RAI14: variants seen among roughly 807,000 people sequenced by gnomAD.
RAI14 encodes retinoic acid induced 14.
RAI14 carries 45 observed loss-of-function variants against 115.4 expected under a neutral mutation model. The ratio of observed to expected loss-of-function variants is 0.39; its 90% CI spans 0.31 to 0.50. The LOEUF (loss-of-function observed/expected upper bound fraction) is 0.50, where lower values mean the gene tolerates loss of function less well. Among genes scored for constraint, RAI14 ranks in the 20% least tolerant of loss-of-function variants. The pLI, the probability that RAI14 is intolerant of heterozygous loss-of-function variation, is 0.85. For missense variants in RAI14, 939 were observed against 1,131.2 expected (o/e 0.83, Z 2.44); for synonymous variants, 371 against 415.4 (o/e 0.89, Z 1.30).
intron 2 of RAI14, among the ~76,000 whole-genome samples, chr5:34,749,632 T>C (rs1346993006): frequency 6.6e-6 from 1 of 152,222 alleles, no homozygotes; most frequent in Admixed American, 6.5e-5. Context: ...CAGTGTCATT[T>C]GGAAATGATT....
At chr5:34,762,054 C>T (rs1748722803) in intron 3 of RAI14, among the ~76,000 whole-genome samples, 1 of 152,196 alleles carries the variant, frequency 6.6e-6, no homozygotes, top group Admixed American at 6.5e-5. Flanking sequence ...AGGGATGGTA[C>T]AATCTTATTG....
chr5:34,759,983 C>A (rs942584521), intron 3 of RAI14, among the ~76,000 whole-genome samples: 3 of 152,156 alleles, frequency 2.0e-5, no homozygotes, highest in African/African-American at 7.2e-5. Context: ...GCAGCTTCTG[C>A]GTTCGAATCA....
intron 2 of RAI14, among the ~76,000 whole-genome samples, chr5:34,726,331 T>C (rs1580046313): frequency 6.6e-6 from 1 of 152,308 alleles, no homozygotes; most frequent in East Asian, 1.9e-4. Context: ...TGGGGAGGCC[T>C]CATGAAACTT....
At chr5:34,757,218 G>A in intron 2 of RAI14, 5 of 536,950 alleles carry the variant, frequency 9.3e-6, no homozygotes, top group South Asian at 7.7e-5. Flanking sequence ...TTAGTTAAAA[G>A]AAGTAAATTT....
chr5:34,732,439 ATTTTTT>A (rs369302342), intron 2 of RAI14, among the ~76,000 whole-genome samples: 1 of 133,894 alleles, frequency 7.5e-6, no homozygotes. Context: ...ACCATGCTTG[ATTTTTT>A]TTTTTTTTTT....
chr5:34,825,480 T>A (rs1195174491), intron 15 of RAI14, among the ~76,000 whole-genome samples: 5 of 152,196 alleles, frequency 3.3e-5, no homozygotes, highest in African/African-American at 1.2e-4. Context: ...CTCCATAATA[T>A]GAAACTAAAA....
At chr5:34,702,330 A>G (rs544843029) in intron 2 of RAI14, among the ~76,000 whole-genome samples, 1 of 152,320 alleles carries the variant, frequency 6.6e-6, no homozygotes, top group East Asian at 1.9e-4. Context: ...AAAAATATGA[A>G]AAATTAGGCT....
chr5:34,794,538 C>T (rs1320154989), intron 3 of RAI14, among the ~76,000 whole-genome samples: 1 of 152,160 alleles, frequency 6.6e-6, no homozygotes, highest in Non-Finnish European at 1.5e-5. Flanking sequence ...AGATATTACA[C>T]ATAGATTGCT....
At chr5:34,666,199 G>A (rs954121734) in intron 1 of RAI14, among the ~76,000 whole-genome samples, 2 of 151,938 alleles carry the variant, frequency 1.3e-5, no homozygotes, top group Admixed American at 1.3e-4. Flanking sequence ...TAGTCTCACA[G>A]GAGATGTCCT....
chr5:34,812,284 C>G, intron 10 of RAI14, 76 bp downstream of exon 10: 3 of 1,252,066 alleles, frequency 2.4e-6, no homozygotes, highest in Non-Finnish European at 3.4e-6. Flanking sequence ...TTTAACCACT[C>G]TGGTCCACTA....
intron 5 of RAI14, among the ~76,000 whole-genome samples, chr5:34,805,435 G>A (rs1754761135): frequency 6.6e-6 from 1 of 152,154 alleles, no homozygotes; most frequent in African/African-American, 2.4e-5. Context: ...CCAGGCTTTT[G>A]CTCTTATTGC....
At chr5:34,705,519 T>C (rs55866175) in intron 2 of RAI14, among the ~76,000 whole-genome samples, 8,106 of 152,262 alleles carry the variant, frequency 0.053, 721 homozygotes, top group African/African-American at 0.18. Flanking sequence ...AAAAGAAAAC[T>C]GAAGTGGAAT....
intron 13 of RAI14, 82 bp downstream of exon 13, chr5:34,818,933 G>T: frequency 7.9e-7 from 1 of 1,273,830 alleles, no homozygotes; most frequent in Non-Finnish European, 1.1e-6. Context: ...AGGCCAAGCT[G>T]GGGTACTGTG....
At chr5:34,808,401 A>G (rs756358990) in intron 6 of RAI14, among the ~76,000 whole-genome samples, 183 bp from the exon 7 acceptor site, 1 of 152,230 alleles carries the variant, frequency 6.6e-6, no homozygotes, top group Non-Finnish European at 1.5e-5. Flanking sequence ...ATAACTCTGA[A>G]ATTAAGCAGT....
chr5:34,717,437 T>G (rs1742132288), intron 2 of RAI14, among the ~76,000 whole-genome samples: 1 of 152,244 alleles, frequency 6.6e-6, no homozygotes, highest in Admixed American at 6.5e-5. Context: ...CTTAGTTGTT[T>G]GACCCTAACC....
chr5:34,757,213 T>C (rs1748004190), intron 2 of RAI14: 1 of 525,024 alleles, frequency 1.9e-6, no homozygotes, highest in African/African-American at 1.9e-5. Context: ...TAGTGTTAGT[T>C]AAAAGAAGTA....
intron 3 of RAI14, among the ~76,000 whole-genome samples, chr5:34,771,357 G>A (rs1202828433): frequency 2.6e-5 from 4 of 152,204 alleles, no homozygotes; most frequent in Admixed American, 1.3e-4. Context: ...GGAAGGAACT[G>A]ATCATGGTAA....
At chr5:34,729,155 A>G (rs1743854167) in intron 2 of RAI14, among the ~76,000 whole-genome samples, 1 of 152,130 alleles carries the variant, frequency 6.6e-6, no homozygotes, top group Non-Finnish European at 1.5e-5. Flanking sequence ...CCAGGAGTTC[A>G]GAACCAGCCT....
At chr5:34,736,985 G>C (rs1163197630) in intron 2 of RAI14, among the ~76,000 whole-genome samples, 1 of 152,178 alleles carries the variant, frequency 6.6e-6, no homozygotes, top group Non-Finnish European at 1.5e-5. Flanking sequence ...TCTGCCTCCT[G>C]TCGGATGAGT....
Sources: allele counts gnomAD v4.1 joint callset (sites outside exome capture counted in the v4.1 genomes callset), GRCh38; gene constraint gnomAD v4.1.1; transcripts MANE v1.5; gene names NCBI Gene and HGNC (gene_info 2026-07-23, HGNC 2026-07-21).